UTP25: variants seen among roughly 807,000 people sequenced by gnomAD.
UTP25 encodes UTP25 small subunit processome component.
A neutral mutation model predicts 78.9 loss-of-function variants in UTP25; 50 were observed. The ratio of observed to expected loss-of-function variants is 0.63; its 90% CI spans 0.50 to 0.80. The LOEUF (loss-of-function observed/expected upper bound fraction) is 0.80. UTP25 is among the 30% of genes least tolerant of loss of function. The pLI is 0.00. For synonymous variants in UTP25, 329 were observed against 336.5 expected (o/e 0.98, Z 0.24); for missense variants, 846 against 911.3 (o/e 0.93, Z 0.92).
chr1:209,828,096 G>A lies in UTP25; in HGVS notation c.33G>A (p.Gln11=). ...AACGCGGGAGCCGGAGCCAGAGCCAGCTACTCAACACCCTAACTAAAAAGC... is the reference window on the plus strand; with the variant it reads ...AACGCGGGAGCCGGAGCCAGAGCCAACTACTCAACACCCTAACTAAAAAGC... MGKRGSRSQS[Q]LLNTLTKKQK... The change falls in exon 1 of 12, where the codon CAG becomes CAA. Residue 11 remains glutamine, a synonymous_variant. Coordinates refer to ENST00000491415, the MANE Select transcript of UTP25 (RefSeq NM_014388.7). 1 of 1,614,184 alleles carries A rather than the reference G, an allele frequency of 6.2e-7. No homozygotes were observed. The highest frequency in any genetic ancestry group is 8.5e-7 in the Non-Finnish European group (1 of 1,180,022).
At chr1:209,843,967 A>C (rs996825681) in intron 11 of UTP25, 1 of 446,712 alleles carries the variant, frequency 2.2e-6, no homozygotes, top group East Asian at 4.1e-5. Flanking sequence ...TATACACTGC[A>C]AGAAGGACAT....
chr1:209,843,350 T>A, intron 10 of UTP25, 101 bp from the exon 11 acceptor site: 2 of 1,428,522 alleles, frequency 1.4e-6, no homozygotes, highest in Admixed American at 4.5e-5. Context: ...GGGGAGGTAA[T>A]CTTTTAACAC....
At chr1:209,834,244 G>T (rs1258210970) in intron 4 of UTP25, among the ~76,000 whole-genome samples, 3 of 152,192 alleles carry the variant, frequency 2.0e-5, no homozygotes, top group Non-Finnish European at 4.4e-5. Flanking sequence ...CTTATGTCCT[G>T]TTGTTCACTC....
chr1:209,840,768 GA>G (rs2078162372), intron 7 of UTP25, 84 bp from the exon 8 acceptor site: 5 of 1,280,518 alleles, frequency 3.9e-6, no homozygotes, highest in South Asian at 3.6e-5. Flanking sequence ...GGAAGCAATA[GA>G]AGTGGTGGAC....
chr1:209,838,190 A>G (rs1015489090), intron 6 of UTP25, among the ~76,000 whole-genome samples: 2 of 152,238 alleles, frequency 1.3e-5, no homozygotes, highest in Non-Finnish European at 1.5e-5. Context: ...TCTATGAAAC[A>G]TATTATAATT....
chr1:209,828,213 A>G lies in UTP25; in HGVS notation c.107+43A>G, dbSNP rs772458665. 4.7e-6 allele frequency: 7 copies of G among 1,496,264 alleles called. No individual in the cohort carries two copies. The African/African-American group carries it at 8.3e-5, about 18-fold the overall frequency. The allele number at this position is 1,496,264 out of a possible 1,614,324, so 92.7% of individuals were successfully genotyped here. On this transcript the variant is annotated intron_variant, in intron 1 of 11. Coordinates refer to ENST00000491415, the MANE Select transcript of UTP25 (RefSeq NM_014388.7). ...AGGGCTCCCCAGTCGCCAGAGATGT[A>G]TCCTCGAGTTTGGTCCTCTGGTCTC...
At position 209,831,003 on chromosome 1, in the gene UTP25, G is replaced by A. The variant is rs547249863; in HGVS notation, c.348G>A (p.Val116=). The part of the protein sequence containing the change: ...NDEDGGSDVS[V]EEEMAAESTE... ...AAGATGGTGGTAGCGATGTCAGTGT[G>A]GAAGAAGAGATGGCTGCAGAGTCTA... is the stretch of plus-strand genomic sequence containing the variant. The change falls in exon 3 of 12, where the codon GTG becomes GTA. Residue 116 remains valine, a synonymous_variant. Coordinates refer to ENST00000491415, the MANE Select transcript of UTP25 (RefSeq NM_014388.7). 3 of 1,614,116 alleles carry A rather than the reference G, an allele frequency of 1.9e-6. No individual in the cohort carries two copies. Among genetic ancestry groups the A allele is most frequent in the African/African-American group, 1.3e-5 (1 of 75,036 alleles).
In UTP25 at chr1:209,830,113, C is replaced by T; in HGVS notation, c.113C>T (p.Ser38Phe). ...GEEHPFYDRV[S>F]RKEAKPQICQ... ...CATTGCCTGTTTCTTTTTAGGGTTT[C>T]CAGAAAGGAAGCAAAGCCACAGATT... Residue 38 changes from serine to phenylalanine, a missense_variant, in exon 2 of 12, where the codon TCC (serine) becomes TTC (phenylalanine). By Grantham distance (155) the Ser-to-Phe change is radical. Transcript: ENST00000491415. The T allele has an allele frequency of 6.2e-7, 1 of 1,611,814 alleles. No homozygotes were observed. Among genetic ancestry groups the T allele is most frequent in the Non-Finnish European group, 8.5e-7 (1 of 1,178,678 alleles).
At chr1:209,843,278 G>A (rs1167672549) in intron 10 of UTP25, 173 bp from the exon 11 acceptor site, 3 of 718,254 alleles carry the variant, frequency 4.2e-6, no homozygotes, top group Non-Finnish European at 6.7e-6. Context: ...TTTTTTTAGT[G>A]TGCTTATCAA....
At chr1:209,838,690 T>TA (rs932800890) in intron 6 of UTP25, 20 of 592,766 alleles carry the variant, frequency 3.4e-5, no homozygotes, top group Non-Finnish European at 5.4e-5. Flanking sequence ...CGTGGACTGA[T>TA]GGGTCTGAAG....
chr1:209,838,786 T>C (rs1320888449), intron 6 of UTP25, 123 bp from the exon 7 acceptor site: 1 of 1,061,534 alleles, frequency 9.4e-7, no homozygotes, highest in African/African-American at 1.6e-5. Context: ...AACATAGGTA[T>C]GTTTCTTGGC....
chr1:209,838,682 T>G (rs1377847106), intron 6 of UTP25: 1 of 585,192 alleles, frequency 1.7e-6, no homozygotes, highest in East Asian at 2.8e-5. Context: ...ATGTCTCACG[T>G]GGACTGATGG....
At chr1:209,851,172 T>C (rs777957313) in intron 11 of UTP25, 32 bp from the exon 12 acceptor site, 1 of 1,590,052 alleles carries the variant, frequency 6.3e-7, no homozygotes, top group Non-Finnish European at 8.6e-7. Flanking sequence ...GTTTCTCAAG[T>C]TGACATAGCT....
chr1:209,841,956 C>G (rs1430425439), intron 8 of UTP25, among the ~76,000 whole-genome samples: 1 of 152,130 alleles, frequency 6.6e-6, no homozygotes, highest in Admixed American at 6.5e-5. Context: ...CCTTCTTGTC[C>G]AAGTCTGGGA....
intron 10 of UTP25, chr1:209,843,185 G>A: frequency 4.0e-6 from 2 of 495,108 alleles, no homozygotes. Flanking sequence ...TGACTGAATA[G>A]TGTGGTGTGT....
intron 11 of UTP25, among the ~76,000 whole-genome samples, chr1:209,847,207 T>C (rs2078202149): frequency 6.6e-6 from 1 of 152,350 alleles, no homozygotes; most frequent in South Asian, 2.1e-4. Context: ...AGTTACTATA[T>C]ATAGCTCTAC....
At chr1:209,842,186 G>C (rs1183984062) in intron 8 of UTP25, 79 bp from the exon 9 acceptor site, 1 of 1,433,946 alleles carries the variant, frequency 7.0e-7, no homozygotes, top group Non-Finnish European at 9.6e-7. Context: ...TGAGTTGATA[G>C]ACTCGGAAAA....
intron 8 of UTP25, among the ~76,000 whole-genome samples, chr1:209,841,661 A>T (rs924822531): frequency 6.6e-6 from 1 of 152,226 alleles, no homozygotes; most frequent in Non-Finnish European, 1.5e-5. Flanking sequence ...TTTCTAAGGC[A>T]TATGGGAACT....
rs772297733 is a variant in UTP25, at chr1:209,855,163, CCCCGCGACGTTCAGCCGT to C, written c.*3718_*3735del. 1.1e-4 allele frequency: 17 copies of C among 152,336 alleles called. No individual in the cohort carries two copies. The highest frequency in any genetic ancestry group is 2.2e-4 in the Non-Finnish European group (15 of 68,036). The allele number at this position is 152,336 out of a possible 1,614,324, so 9.4% of individuals were successfully genotyped here. A position where few individuals can be genotyped will look rare whatever the true frequency, so the allele number is the denominator to read the frequency against. ...GCTTGGTCATTTCCTCCCAAGCAAA[CCCCGCGACGTTCAGCCGT>C]CTTCCTCCTATGCCACGTGCTCTCA... On this transcript the variant is annotated 3_prime_UTR_variant, in exon 12 of 12. Coordinates refer to ENST00000491415, the MANE Select transcript of UTP25 (RefSeq NM_014388.7).
Sources: gnomAD v4.1 joint callset for allele counts (sites outside exome capture counted in the v4.1 genomes callset) on GRCh38, gnomAD v4.1.1 for gene constraint, MANE v1.5 for transcripts, NCBI Gene and HGNC (gene_info 2026-07-23, HGNC 2026-07-21) for gene names.